Variants in HEATR5B observed in about 807,000 individuals in gnomAD.
The protein encoded by HEATR5B is HEAT repeat-containing protein 5B.
In HEATR5B, 156 loss-of-function variants were observed where a neutral mutation model predicts 224.1. The observed-to-expected ratio is 0.70, with a 90% CI of 0.61 to 0.80. The LOEUF is 0.80. Ranked by LOEUF, HEATR5B falls within the 30% of genes least tolerant of loss-of-function variation. The pLI is 0.00. For synonymous variants in HEATR5B, 1,027 were observed against 893.0 expected (o/e 1.15, Z -2.68); for missense variants, 2,323 against 2,535.5 (o/e 0.92, Z 1.80).
chr2:37,007,875 A>G (rs1667533292), intron 28 of HEATR5B, among the ~76,000 whole-genome samples: 1 of 152,214 alleles, frequency 6.6e-6, no homozygotes, highest in Admixed American at 6.5e-5. Flanking sequence ...CCCTGTTGTC[A>G]CAGAATTTAC....
In HEATR5B at chr2:36,989,876, G is replaced by T. The variant is rs1240298245; in HGVS notation, c.5697+772C>A. ...CTGGAGACTCAGATTCAGGAAGACA[G>T]TACTGGAATCCAAGAATGTTTCCTT... On this transcript the variant is annotated intron_variant, in intron 34 of 35. Coordinates refer to ENST00000233099, the MANE Select transcript of HEATR5B (RefSeq NM_019024.3). Among the ~76,000 whole-genome samples the T allele has an allele frequency of 2.0e-5, 3 of 146,490 alleles. No homozygotes were observed. In the South Asian group the frequency reaches 6.6e-4, roughly 32 times the overall value.
chr2:37,003,890 GATTT>G (rs775724934), intron 30 of HEATR5B, among the ~76,000 whole-genome samples: 5 of 152,072 alleles, frequency 3.3e-5, no homozygotes, highest in African/African-American at 4.8e-5. Context: ...AGCAACAAAT[GATTT>G]ATTATTTACA....
chr2:37,042,435 G>C (rs957765718), intron 18 of HEATR5B, among the ~76,000 whole-genome samples: 4 of 152,314 alleles, frequency 2.6e-5, no homozygotes, highest in Admixed American at 1.3e-4. Context: ...GTGCCCCTAT[G>C]AGAGCAACAC....
chr2:37,032,606 T>C (rs1669202328), intron 22 of HEATR5B, 23 bp downstream of exon 22: 1 of 1,592,274 alleles, frequency 6.3e-7, no homozygotes, highest in Non-Finnish European at 8.5e-7. Flanking sequence ...CAAAAAACAA[T>C]ATTGACCAAT....
chr2:36,989,814 A>T (rs1402634640), intron 34 of HEATR5B, among the ~76,000 whole-genome samples: 1 of 152,156 alleles, frequency 6.6e-6, no homozygotes, highest in Non-Finnish European at 1.5e-5. Context: ...AAAAACCTGA[A>T]GAACATTTTA....
chr2:36,982,863 TACACACACAC>T lies in HEATR5B; in HGVS notation c.5912-1079_5912-1070del, dbSNP rs3836070. 2.2e-3 allele frequency among the ~76,000 whole-genome samples: 272 copies of T among 126,056 alleles called. 2 individuals carry two copies. The highest frequency in any genetic ancestry group is 6.7e-3 in the African/African-American group (235 of 35,004). 82.7% of individuals were successfully genotyped at this position (126,056 alleles called of 152,430 possible). Reference sequence around the variant, plus strand: ...CATGTCTACATATAACAGACACAGATACACACACACACACACACACACACACACACACACA... The same window carrying T: ...CATGTCTACATATAACAGACACAGATACACACACACACACACACACACACA... On this transcript the variant is annotated intron_variant, in intron 35 of 35. Transcript: ENST00000233099.
At chr2:36,990,485 T>C (rs1350853706) in intron 34 of HEATR5B, among the ~76,000 whole-genome samples, 163 bp downstream of exon 34, 2 of 152,212 alleles carry the variant, frequency 1.3e-5, no homozygotes, top group Non-Finnish European at 2.9e-5. Flanking sequence ...TACACATGTG[T>C]TCTAGTGCTT....
chr2:37,032,612 C>A lies in HEATR5B; in HGVS notation c.3361+17G>T. ...GTAGTTAAACAAAAAACAATATTGA[C>A]CAATAATATAACTTACTGGCACTAC... On this transcript the variant is annotated intron_variant, in intron 22 of 35. Coordinates refer to ENST00000233099, the MANE Select transcript of HEATR5B (RefSeq NM_019024.3). The A allele has an allele frequency of 6.3e-7, 1 of 1,596,034 alleles. No individual in the cohort carries two copies. The highest frequency in any genetic ancestry group is 8.5e-7 in the Non-Finnish European group (1 of 1,172,596).
chr2:37,038,418 G>C (rs1445244749), intron 20 of HEATR5B, among the ~76,000 whole-genome samples: 1 of 152,118 alleles, frequency 6.6e-6, no homozygotes, highest in African/African-American at 2.4e-5. Flanking sequence ...GGGATTACAG[G>C]CATGAGCCAC....
At chr2:37,064,413 A>C (rs1447827048) in intron 10 of HEATR5B, among the ~76,000 whole-genome samples, 1 of 150,590 alleles carries the variant, frequency 6.6e-6, no homozygotes, top group African/African-American at 2.4e-5. Context: ...CATCCTCCCC[A>C]GTAGCTAGGA....
chr2:37,000,874 T>C (rs1667048413), intron 32 of HEATR5B, 61 bp from the exon 33 acceptor site: 2 of 1,126,978 alleles, frequency 1.8e-6, no homozygotes, highest in Non-Finnish European at 2.6e-6. Context: ...ATAGTTGTTT[T>C]CATTGCTTGT....
rs1264030575 is a variant in HEATR5B at position 37,057,329 on chromosome 2, T to G, written c.2211A>C (p.Ser737=). The change falls in exon 15 of 36, where the codon TCA becomes TCC. Residue 737 remains serine (S), a synonymous_variant. Coordinates refer to ENST00000233099, the MANE Select transcript of HEATR5B (RefSeq NM_019024.3). The part of the protein sequence containing the change: ...GSWLQETDHK[S]IEDQLQPNSA... ...CTATGTTTATTACCTGGTCTTCAAT[T>G]GATTTATGATCAGTTTCCTGAAGCC... is the stretch of plus-strand genomic sequence containing the variant. 1 of 1,602,630 alleles carries G rather than the reference T, an allele frequency of 6.2e-7. No individual in the cohort carries two copies. The highest frequency in any genetic ancestry group is 8.5e-7 in the Non-Finnish European group (1 of 1,176,410).
chr2:37,017,111 C>T (rs1668163352), intron 26 of HEATR5B, among the ~76,000 whole-genome samples: 1 of 152,066 alleles, frequency 6.6e-6, no homozygotes, highest in Non-Finnish European at 1.5e-5. Flanking sequence ...TTGTAAAAAC[C>T]TAAGTATTTT....
At chr2:37,069,359 T>C (rs1392373586) in intron 7 of HEATR5B, among the ~76,000 whole-genome samples, 3 of 152,240 alleles carry the variant, frequency 2.0e-5, no homozygotes, top group African/African-American at 7.2e-5. Context: ...CAAGGTACAG[T>C]TATGATTTTG....
intron 33 of HEATR5B, among the ~76,000 whole-genome samples, chr2:36,995,201 T>G (rs1306905232): frequency 6.8e-6 from 1 of 147,802 alleles, no homozygotes; most frequent in Non-Finnish European, 1.5e-5. Flanking sequence ...GCAATTCTCC[T>G]GCTTTAGCCT....
chr2:37,000,283 A>G (rs1667005039), intron 33 of HEATR5B, among the ~76,000 whole-genome samples: 1 of 151,940 alleles, frequency 6.6e-6, no homozygotes, highest in Non-Finnish European at 1.5e-5. Flanking sequence ...CACCGTGTTA[A>G]TCAGGCTGGT....
intron 22 of HEATR5B, among the ~76,000 whole-genome samples, chr2:37,030,971 GC>G (rs1169778275): frequency 6.6e-6 from 1 of 152,200 alleles, no homozygotes; most frequent in African/African-American, 2.4e-5. Context: ...TTGAACATCT[GC>G]TTTCCTTCTG....
In HEATR5B at chr2:37,000,581, G is replaced by A. The variant is rs779012523; in HGVS notation, c.5545+5C>T. On this transcript the variant is annotated splice_donor_5th_base_variant and intron_variant, in intron 33 of 35. Transcript: ENST00000233099. Reference sequence around the variant, plus strand: ...TAACTAAAACGTTTAAAACTGATAGGTTACCTGGTTGAGAATATTCCAGGA... The same window carrying A: ...TAACTAAAACGTTTAAAACTGATAGATTACCTGGTTGAGAATATTCCAGGA... 5.0e-6 allele frequency: 8 copies of A among 1,612,228 alleles called. No homozygotes were observed. The South Asian group carries it at 7.7e-5, about 15-fold the overall frequency.
intron 24 of HEATR5B, among the ~76,000 whole-genome samples, chr2:37,021,717 T>A (rs1422844645): frequency 6.6e-6 from 1 of 151,892 alleles, no homozygotes; most frequent in Non-Finnish European, 1.5e-5. Flanking sequence ...GTGAACCCCA[T>A]CTCTACAAAA....
Sources: gnomAD v4.1 joint callset for allele counts (sites outside exome capture counted in the v4.1 genomes callset) on GRCh38, gnomAD v4.1.1 for gene constraint, MANE v1.5 for transcripts, NCBI Gene and HGNC (gene_info 2026-07-23, HGNC 2026-07-21) for gene names.